The following FHIT variants were observed in gnomAD, a reference collection of about 807,000 sequenced individuals.
FHIT encodes the protein bis(5'-adenosyl)-triphosphatase.
A neutral mutation model predicts 17.9 loss-of-function variants in FHIT; 19 were observed. That is an observed-to-expected ratio of 1.06 (90% confidence interval 0.74 to 1.56). The LOEUF is 1.56. FHIT is among the 40% of genes most tolerant of loss of function. The probability of loss-of-function intolerance (pLI) is 0.00; values close to 1 mark genes in which losing one functional copy is unlikely to be tolerated. For missense variants in FHIT, 248 were observed against 189.2 expected, an observed-to-expected ratio of 1.31 and a Z score of -1.82; for synonymous variants, 81 against 69.7, an observed-to-expected ratio of 1.16 and a Z score of -0.81.
intron 8 of FHIT, among the ~76,000 whole-genome samples, chr3:59,892,789 T>C (rs1703910969): frequency 6.6e-6 from 1 of 152,210 alleles, no homozygotes; most frequent in African/African-American, 2.4e-5. Flanking sequence ...AAGTGAAGAC[T>C]TGGTTCAAAA....
At chr3:60,979,239 C>A (rs1710386488) in intron 3 of FHIT, among the ~76,000 whole-genome samples, 1 of 152,098 alleles carries the variant, frequency 6.6e-6, no homozygotes, top group Non-Finnish European at 1.5e-5. Flanking sequence ...CCCTTTGCTC[C>A]CATAGTAAAT....
chr3:60,353,887 G>A (rs1052969203), intron 5 of FHIT, among the ~76,000 whole-genome samples: 1 of 152,062 alleles, frequency 6.6e-6, no homozygotes, highest in Admixed American at 6.6e-5. Context: ...CTGTTCAGCT[G>A]ATAGCTTTTT....
At chr3:59,955,243 T>C (rs1333473343) in intron 7 of FHIT, among the ~76,000 whole-genome samples, 1 of 152,204 alleles carries the variant, frequency 6.6e-6, no homozygotes, top group Non-Finnish European at 1.5e-5. Flanking sequence ...ACTAGACCTC[T>C]GGGCAGTGGC....
chr3:60,467,601 GT>G (rs142136478), intron 5 of FHIT, among the ~76,000 whole-genome samples: 10,897 of 151,842 alleles, frequency 0.072, 1,277 homozygotes, highest in African/African-American at 0.25. Flanking sequence ...GAAGCATATT[GT>G]TTAATTTCCA....
chr3:60,779,799 G>A (rs1700322914), intron 4 of FHIT, among the ~76,000 whole-genome samples: 1 of 152,168 alleles, frequency 6.6e-6, no homozygotes, highest in Admixed American at 6.5e-5. Flanking sequence ...CACAGCACAG[G>A]TGAGCGTGAC....
At chr3:60,063,762 T>C (rs1439082727) in intron 5 of FHIT, among the ~76,000 whole-genome samples, 2 of 152,194 alleles carry the variant, frequency 1.3e-5, no homozygotes, top group Admixed American at 1.3e-4. Flanking sequence ...CCAAATAGTA[T>C]GCCAGAATTT....
At chr3:61,037,798 C>A (rs1291240467) in intron 3 of FHIT, among the ~76,000 whole-genome samples, 2 of 152,188 alleles carry the variant, frequency 1.3e-5, no homozygotes, top group East Asian at 3.9e-4. Context: ...AATGCAGACC[C>A]TTGATCTTAG....
At chr3:60,303,605 C>CGCTTCA (rs2106720736) in intron 5 of FHIT, among the ~76,000 whole-genome samples, 1 of 152,226 alleles carries the variant, frequency 6.6e-6, no homozygotes, top group East Asian at 1.9e-4. Flanking sequence ...TGATGTGTGC[C>CGCTTCA]GCTTCACAGC....
At chr3:60,094,644 G>A (rs1037542930) in intron 5 of FHIT, among the ~76,000 whole-genome samples, 9 of 152,102 alleles carry the variant, frequency 5.9e-5, no homozygotes. Context: ...ACCTGTGAAA[G>A]GGAAGTGATG....
intron 3 of FHIT, among the ~76,000 whole-genome samples, chr3:60,934,926 A>G (rs1196190223): frequency 2.0e-5 from 3 of 152,196 alleles, no homozygotes; most frequent in African/African-American, 4.8e-5. Context: ...CACCCCGGAA[A>G]GTGCCCCTCC....
intron 5 of FHIT, among the ~76,000 whole-genome samples, chr3:60,130,550 A>C (rs927179067): frequency 6.6e-6 from 1 of 152,164 alleles, no homozygotes; most frequent in Non-Finnish European, 1.5e-5. Context: ...TCACATGCTC[A>C]TATCAACTGA....
At chr3:60,732,965 C>T (rs1286307789) in intron 4 of FHIT, among the ~76,000 whole-genome samples, 3 of 152,098 alleles carry the variant, frequency 2.0e-5, no homozygotes, top group South Asian at 2.1e-4. Flanking sequence ...GGATTACAGG[C>T]GTGAGCCACC....
chr3:60,322,565 G>A (rs760302524), intron 5 of FHIT, among the ~76,000 whole-genome samples: 16 of 152,138 alleles, frequency 1.1e-4, no homozygotes, highest in Non-Finnish European at 2.2e-4. Context: ...AAGGGCACCG[G>A]ACAAGAAAAA....
At chr3:60,544,352 C>CT (rs943810845) in intron 4 of FHIT, among the ~76,000 whole-genome samples, 2 of 151,482 alleles carry the variant, frequency 1.3e-5, no homozygotes, top group East Asian at 3.9e-4. Flanking sequence ...GGGTTGATAC[C>CT]TTTTTTTAAA....
chr3:60,076,116 C>G (rs918798218), intron 5 of FHIT, among the ~76,000 whole-genome samples: 13 of 152,142 alleles, frequency 8.5e-5, no homozygotes, highest in African/African-American at 2.9e-4. Flanking sequence ...ACGTAATCAT[C>G]TAATATTAGG....
At chr3:60,385,037 T>G (rs1389398182) in intron 5 of FHIT, among the ~76,000 whole-genome samples, 1 of 152,188 alleles carries the variant, frequency 6.6e-6, no homozygotes, top group African/African-American at 2.4e-5. Flanking sequence ...AGAGATACGT[T>G]GCTAACACAA....
At chr3:61,074,315 A>G (rs2034902681) in intron 2 of FHIT, among the ~76,000 whole-genome samples, 1 of 152,104 alleles carries the variant, frequency 6.6e-6, no homozygotes, top group African/African-American at 2.4e-5. Flanking sequence ...TCTAACTGTA[A>G]TCTTGTTTTT....
chr3:60,731,483 G>C (rs1488708746), intron 4 of FHIT, among the ~76,000 whole-genome samples: 1 of 152,190 alleles, frequency 6.6e-6, no homozygotes, highest in African/African-American at 2.4e-5. Flanking sequence ...CATACTTCCA[G>C]GGTCTTGCCT....
At chr3:60,411,562 G>A (rs1285537841) in intron 5 of FHIT, among the ~76,000 whole-genome samples, 2 of 152,144 alleles carry the variant, frequency 1.3e-5, no homozygotes, top group East Asian at 1.9e-4. Context: ...TATATTGGCT[G>A]ATCTTTCTGG....
Sources: allele counts gnomAD v4.1 joint callset (sites outside exome capture counted in the v4.1 genomes callset), GRCh38; gene constraint gnomAD v4.1.1; transcripts MANE v1.5; gene names NCBI Gene and HGNC (gene_info 2026-07-23, HGNC 2026-07-21).